The following SIPA1L2 variants were observed in gnomAD, a reference collection of about 807,000 sequenced individuals.
SIPA1L2 encodes the protein signal induced proliferation associated 1 like 2.
SIPA1L2 carries 56 observed loss-of-function variants against 163.9 expected under a neutral mutation model. That is an observed-to-expected ratio of 0.34 (90% CI 0.28 to 0.43). The LOEUF (loss-of-function observed/expected upper bound fraction) is 0.43. Among genes scored for constraint, SIPA1L2 ranks in the 20% least tolerant of loss-of-function variants. The pLI, the probability that SIPA1L2 is intolerant of heterozygous loss-of-function variation, is 1.00. For synonymous variants in SIPA1L2, 877 were observed against 865.7 expected (o/e 1.01, Z -0.23); for missense variants, 1,974 against 2,193.5 (o/e 0.90, Z 2.00).
chr1:232,500,650 T>C (rs1006774777), intron 3 of SIPA1L2, among the ~76,000 whole-genome samples: 2 of 152,210 alleles, frequency 1.3e-5, no homozygotes, highest in South Asian at 4.1e-4. Context: ...GAAGAGGAGT[T>C]GCTTTTTATG....
chr1:232,532,666 A>T (rs1449688592), intron 2 of SIPA1L2, among the ~76,000 whole-genome samples: 1 of 152,218 alleles, frequency 6.6e-6, no homozygotes, highest in Non-Finnish European at 1.5e-5. Flanking sequence ...ACATCCCATA[A>T]CACTTCTTAA....
At chr1:232,492,139 T>A (rs1665962164) in intron 4 of SIPA1L2, among the ~76,000 whole-genome samples, 1 of 152,044 alleles carries the variant, frequency 6.6e-6, no homozygotes, top group Admixed American at 6.6e-5. Flanking sequence ...AGAGCCTAGG[T>A]CACTGGGACA....
At chr1:232,461,493 A>G (rs1322302663) in intron 9 of SIPA1L2, among the ~76,000 whole-genome samples, 1 of 152,242 alleles carries the variant, frequency 6.6e-6, no homozygotes, top group Non-Finnish European at 1.5e-5. Flanking sequence ...AGAGCTTCAG[A>G]TGGGCTCAGA....
At chr1:232,404,019 C>T (rs1339468651) in intron 20 of SIPA1L2, 106 bp downstream of exon 20, 5 of 1,307,294 alleles carry the variant, frequency 3.8e-6, no homozygotes, top group African/African-American at 1.5e-5. Flanking sequence ...CCGCTGTGCA[C>T]CCCCAACCCT....
At chr1:232,464,785 T>C in intron 9 of SIPA1L2, 55 bp downstream of exon 9, 1 of 1,421,060 alleles carries the variant, frequency 7.0e-7, no homozygotes, top group Non-Finnish European at 9.5e-7. Context: ...AAAGTTATTT[T>C]GAATCTGGAA....
In SIPA1L2 at chr1:232,432,327, T is replaced by C. The variant is rs1488654346; in HGVS notation, c.4176A>G (p.Ala1392=). The part of the protein sequence containing the change: ...SMSKPYHRQG[A]VNKYVIGWKK... The stretch of plus-strand genomic sequence containing the variant: ...TCCAGCCGATGACATATTTGTTCAC[T>C]GCCCCTTGTCTGTGGTAGGGCTTGG... Residue 1392 remains alanine, a synonymous_variant, in exon 16 of 23, where the codon GCA becomes GCG. Coordinates refer to ENST00000674635, the MANE Select transcript of SIPA1L2 (RefSeq NM_020808.5). 6.2e-6 allele frequency: 10 copies of C among 1,614,100 alleles called. No homozygotes were observed. The highest frequency in any genetic ancestry group is 8.5e-6 in the Non-Finnish European group (10 of 1,180,040).
rs530433810 is a variant in SIPA1L2, at chr1:232,428,637, G to A, written c.4257-73C>T. 1.4e-4 allele frequency: 181 copies of A among 1,249,034 alleles called. 2 individuals are homozygous for A. The African/African-American group carries it at 2.5e-3, about 17-fold the overall frequency. The allele number at this position is 1,249,034 out of a possible 1,614,324, so 77.4% of individuals were successfully genotyped here. A position where few individuals can be genotyped will look rare whatever the true frequency, so the allele number is the denominator to read the frequency against. On this transcript the variant is annotated intron_variant, in intron 16 of 22. Coordinates refer to ENST00000674635, the MANE Select transcript of SIPA1L2 (RefSeq NM_020808.5). The stretch of plus-strand genomic sequence containing the variant: ...TGTAGTGGTAAGAATTAAAACCTAG[G>A]AAGCAGTTTCAACAGCCACAAACGC...
intron 1 of SIPA1L2, among the ~76,000 whole-genome samples, chr1:232,615,667 T>C (rs915774156): frequency 2.0e-5 from 3 of 152,228 alleles, no homozygotes; most frequent in Non-Finnish European, 4.4e-5. Context: ...CCCTGATCCA[T>C]GTCTCCAGTA....
At chr1:232,532,366 G>A (rs1351603944) in intron 2 of SIPA1L2, among the ~76,000 whole-genome samples, 1 of 152,162 alleles carries the variant, frequency 6.6e-6, no homozygotes, top group East Asian at 1.9e-4. Flanking sequence ...AGCAGTTACG[G>A]TTAAATAGAT....
intron 2 of SIPA1L2, among the ~76,000 whole-genome samples, chr1:232,534,837 C>G (rs1657205753): frequency 6.6e-6 from 1 of 152,198 alleles, no homozygotes; most frequent in Non-Finnish European, 1.5e-5. Flanking sequence ...TAACACTGCT[C>G]CCCTGACACA....
intron 1 of SIPA1L2, among the ~76,000 whole-genome samples, chr1:232,583,142 A>G (rs1353403474): frequency 2.0e-5 from 3 of 152,206 alleles, no homozygotes; most frequent in Non-Finnish European, 4.4e-5. Context: ...GTGAAAAGTC[A>G]TGATGCTGCT....
chr1:232,468,376 C>T (rs1664630730), intron 8 of SIPA1L2, among the ~76,000 whole-genome samples: 1 of 152,160 alleles, frequency 6.6e-6, no homozygotes, highest in Non-Finnish European at 1.5e-5. Context: ...GGCCAAAGGA[C>T]AATAAAGAAA....
chr1:232,610,525 A>C (rs929278338), intron 1 of SIPA1L2, among the ~76,000 whole-genome samples: 3 of 152,268 alleles, frequency 2.0e-5, no homozygotes, highest in African/African-American at 7.2e-5. Context: ...TAAAATACAT[A>C]CAAAATTCTA....
intron 1 of SIPA1L2, among the ~76,000 whole-genome samples, chr1:232,628,218 A>G (rs1259031924): frequency 3.3e-5 from 5 of 152,212 alleles, no homozygotes; most frequent in African/African-American, 1.2e-4. Context: ...TTGTGCTTAG[A>G]AATGAAAAAA....
intron 2 of SIPA1L2, among the ~76,000 whole-genome samples, chr1:232,525,126 C>T (rs535038184): frequency 6.7e-6 from 1 of 149,864 alleles, no homozygotes; most frequent in South Asian, 2.1e-4. Context: ...ATTGAATGAA[C>T]AATACCTACT....
chr1:232,500,447 T>A (rs761501553), intron 3 of SIPA1L2, among the ~76,000 whole-genome samples: 1 of 152,194 alleles, frequency 6.6e-6, no homozygotes, highest in Non-Finnish European at 1.5e-5. Context: ...TTATGATTCA[T>A]GAGAGGATGT....
At chr1:232,611,033 T>G (rs1011949676) in intron 1 of SIPA1L2, among the ~76,000 whole-genome samples, 1 of 152,086 alleles carries the variant, frequency 6.6e-6, no homozygotes, top group Non-Finnish European at 1.5e-5. Context: ...CAGTGGGAGA[T>G]AGTTTGAATC....
chr1:232,545,905 A>C (rs566800829), intron 2 of SIPA1L2, among the ~76,000 whole-genome samples: 1 of 152,370 alleles, frequency 6.6e-6, no homozygotes, highest in Non-Finnish European at 1.5e-5. Context: ...AAACATATAG[A>C]TGCAGATCTT....
At chr1:232,517,163 G>A (rs997169831) in intron 2 of SIPA1L2, among the ~76,000 whole-genome samples, 3 of 152,066 alleles carry the variant, frequency 2.0e-5, no homozygotes, top group Admixed American at 6.5e-5. Context: ...ATTAACAAAT[G>A]CATCCACGAA....
Sources: gnomAD v4.1 joint callset for allele counts (sites outside exome capture counted in the v4.1 genomes callset) on GRCh38, gnomAD v4.1.1 for gene constraint, MANE v1.5 for transcripts, NCBI Gene and HGNC (gene_info 2026-07-23, HGNC 2026-07-21) for gene names.